The following DDAH1 variants were observed in gnomAD, a reference collection of about 807,000 sequenced individuals.
DDAH1 encodes N(G),N(G)-dimethylarginine dimethylaminohydrolase 1.
Under a neutral mutation model 28.8 loss-of-function variants are expected in DDAH1, and 19 were observed. The ratio of observed to expected loss-of-function variants is 0.66; its 90% CI spans 0.46 to 0.97. The LOEUF (loss-of-function observed/expected upper bound fraction) is 0.97. Among genes scored for constraint, DDAH1 ranks in the 50% least tolerant of loss-of-function variants. The probability of loss-of-function intolerance (pLI) is 0.00; values close to 1 mark genes in which losing one functional copy is unlikely to be tolerated. For synonymous variants in DDAH1, 153 were observed against 154.4 expected (o/e 0.99, Z 0.07); for missense variants, 326 against 375.9 (o/e 0.87, Z 1.10).
At chr1:85,387,755 T>C (rs1365563671) in intron 1 of DDAH1, among the ~76,000 whole-genome samples, 2 of 152,212 alleles carry the variant, frequency 1.3e-5, no homozygotes, top group African/African-American at 4.8e-5. Context: ...ACCAATTTTC[T>C]GTCTATGATG....
At chr1:85,393,362 G>T (rs1443707540) in intron 1 of DDAH1, among the ~76,000 whole-genome samples, 1 of 152,172 alleles carries the variant, frequency 6.6e-6, no homozygotes, top group Non-Finnish European at 1.5e-5. Flanking sequence ...ATCAAATCCA[G>T]TTCTATCCAT....
chr1:85,418,947 T>C (rs1033721687), intron 1 of DDAH1, among the ~76,000 whole-genome samples: 11 of 152,124 alleles, frequency 7.2e-5, no homozygotes, highest in East Asian at 1.9e-4. Flanking sequence ...CGTAGTTGGG[T>C]TGATGTCTGC....
At chr1:85,466,355 A>G (rs1292381047), upstream of DDAH1, among the ~76,000 whole-genome samples, 3 of 152,150 alleles carry the variant, frequency 2.0e-5, no homozygotes, top group Non-Finnish European at 4.4e-5. Context: ...AGTTCAAGCA[A>G]TTCTCCTGCC....
At chr1:85,394,947 C>T (rs1651737639) in intron 1 of DDAH1, among the ~76,000 whole-genome samples, 1 of 151,994 alleles carries the variant, frequency 6.6e-6, no homozygotes, top group Admixed American at 6.6e-5. Flanking sequence ...AAAACGTTGG[C>T]ATATGATAGT....
intron 1 of DDAH1, among the ~76,000 whole-genome samples, chr1:85,542,550 T>C (rs1171946173): frequency 6.6e-6 from 1 of 152,174 alleles, no homozygotes. Flanking sequence ...GGTGATAAAA[T>C]GTGAGGGTTC....
chr1:85,484,178 G>A (rs1419269772), intron 2 of DDAH1, among the ~76,000 whole-genome samples: 1 of 152,012 alleles, frequency 6.6e-6, no homozygotes, highest in Non-Finnish European at 1.5e-5. Flanking sequence ...TGACCAAAAG[G>A]CTGTGGTTTC....
At chr1:85,516,327 T>C (rs1168361237) in intron 1 of DDAH1, among the ~76,000 whole-genome samples, 13 of 141,172 alleles carry the variant, frequency 9.2e-5, no homozygotes, top group Non-Finnish European at 1.9e-4. Flanking sequence ...AGTTTGGTGG[T>C]ATCATTACTC....
At chr1:85,577,663 C>T (rs564367803) in intron 1 of DDAH1, among the ~76,000 whole-genome samples, 2 of 152,014 alleles carry the variant, frequency 1.3e-5, no homozygotes, top group South Asian at 4.2e-4. Context: ...CTCGGATGCA[C>T]GCTAGTCTGA....
intron 1 of DDAH1, among the ~76,000 whole-genome samples, chr1:85,458,763 T>C (rs1365336983): frequency 6.6e-6 from 1 of 152,132 alleles, no homozygotes; most frequent in Admixed American, 6.5e-5. Context: ...GTTCAGAGGA[T>C]TCAGTTATGT....
intron 1 of DDAH1, among the ~76,000 whole-genome samples, chr1:85,547,782 C>G (rs905793870): frequency 2.0e-5 from 3 of 152,154 alleles, no homozygotes; most frequent in Non-Finnish European, 4.4e-5. Flanking sequence ...TGCTGACTGG[C>G]CATCCAGGTC....
intron 2 of DDAH1, among the ~76,000 whole-genome samples, chr1:85,480,622 G>T (rs1015813288): frequency 1.1e-4 from 17 of 152,262 alleles, no homozygotes; most frequent in Admixed American, 9.2e-4. Flanking sequence ...GCAGGCACTT[G>T]TAATCCCAGC....
At chr1:85,496,789 A>G (rs1014015952) in intron 1 of DDAH1, among the ~76,000 whole-genome samples, 2 of 152,206 alleles carry the variant, frequency 1.3e-5, no homozygotes, top group Non-Finnish European at 2.9e-5. Flanking sequence ...TAGCAATTTC[A>G]TATAATTTAA....
chr1:85,388,351 A>G (rs536379195), intron 1 of DDAH1, among the ~76,000 whole-genome samples: 24 of 152,360 alleles, frequency 1.6e-4, no homozygotes, highest in African/African-American at 5.3e-4. Flanking sequence ...AAGAAAAAAT[A>G]AACTTTCTCT....
Position 85,504,652 on chromosome 1 carries a change from C to G in DDAH1, c.-122-8371G>C, listed in dbSNP as rs77188523. The stretch of plus-strand genomic sequence containing the variant: ...TTTAGTCCCCAGAACAACACTGAGA[C>G]AGTGATTATCATCCTCCTCTTCTAG... On this transcript the variant is annotated intron_variant, in intron 1 of 6. Transcript: ENST00000426972. Among the ~76,000 whole-genome samples, 200 of 152,274 alleles carry G rather than the reference C, an allele frequency of 1.3e-3. 1 individual carries two copies. Among genetic ancestry groups the G allele is most frequent in the Middle Eastern group, 3.4e-3 (1 of 294 alleles).
intron 1 of DDAH1, among the ~76,000 whole-genome samples, chr1:85,382,925 A>T (rs1399973472): frequency 6.6e-6 from 1 of 152,218 alleles, no homozygotes; most frequent in African/African-American, 2.4e-5. Flanking sequence ...TCAGAAAAAA[A>T]GATTGCTTTC....
Position 85,359,722 on chromosome 1 carries a change from G to A in DDAH1, c.304-875C>T, listed in dbSNP as rs1328638974. Reference sequence around the variant, plus strand: ...CCATCTTTTAAAACCTAGTTCCTTAGAGGTGATTAACAAGTTCAACAATTA... The same window carrying A: ...CCATCTTTTAAAACCTAGTTCCTTAAAGGTGATTAACAAGTTCAACAATTA... On this transcript the variant is annotated intron_variant, in intron 1 of 5. Transcript: ENST00000284031. Among the ~76,000 whole-genome samples the A allele has an allele frequency of 3.9e-5, 6 of 152,252 alleles. No individual in the cohort carries two copies. In the South Asian group the frequency reaches 1.0e-3, roughly 26 times the overall value.
upstream of DDAH1, chr1:85,465,347 A>C: frequency 2.4e-6 from 1 of 424,608 alleles, no homozygotes; most frequent in Non-Finnish European, 3.1e-6. Context: ...GCGGCCGGGG[A>C]AGCAGCGAGG....
intron 1 of DDAH1, among the ~76,000 whole-genome samples, chr1:85,517,958 C>A (rs1463930381): frequency 2.6e-5 from 4 of 152,090 alleles, no homozygotes; most frequent in Non-Finnish European, 5.9e-5. Context: ...TGTTGGACAG[C>A]CTATCGTTCA....
At chr1:85,373,576 A>T (rs1650501088) in intron 1 of DDAH1, among the ~76,000 whole-genome samples, 1 of 152,116 alleles carries the variant, frequency 6.6e-6, no homozygotes, top group South Asian at 2.1e-4. Context: ...CTTGTGAAGA[A>T]GATACTTGCT....
Sources: gnomAD v4.1 joint callset for allele counts (sites outside exome capture counted in the v4.1 genomes callset) on GRCh38, gnomAD v4.1.1 for gene constraint, MANE v1.5 for transcripts, NCBI Gene and HGNC (gene_info 2026-07-23, HGNC 2026-07-21) for gene names.